PUS3: variants seen among roughly 807,000 people sequenced by gnomAD.
PUS3 encodes pseudouridine synthase 3.
In PUS3, 36 loss-of-function variants were observed where a neutral mutation model predicts 43.3. That is an observed-to-expected ratio of 0.83 (90% confidence interval 0.64 to 1.10). The LOEUF is 1.10. PUS3 is among the 50% of genes least tolerant of loss of function. The pLI, the probability that PUS3 is intolerant of heterozygous loss-of-function variation, is 0.00. For missense variants in PUS3, 544 were observed against 589.9 expected (o/e 0.92, Z 0.81); for synonymous variants, 183 against 199.2 (o/e 0.92, Z 0.69).
intron 3 of PUS3, 140 bp downstream of exon 3, chr11:125,895,084 T>C: frequency 1.9e-6 from 1 of 539,632 alleles, no homozygotes; most frequent in East Asian, 3.1e-5. Context: ...TCTCCCTCTG[T>C]CACCCATGCT....
intron 1 of PUS3, chr11:125,899,540 C>T: frequency 6.2e-7 from 1 of 1,614,124 alleles, no homozygotes; most frequent in South Asian, 1.1e-5. Context: ...TTCAGTAGCC[C>T]CAGGGAAGCG....
Position 125,896,180 on chromosome 11 carries a change from A to AT in PUS3, c.104dup (p.Asn35LysfsTer2), listed in dbSNP as rs1363072366. ...TTTCTCTAATGTTTGAGTCCTCCTT[A>AT]TTTTTGGCCTGTTCCTTTTTAAGTC... On this transcript the variant is annotated frameshift_variant, in exon 2 of 4. Coordinates refer to ENST00000227474, the MANE Select transcript of PUS3 (RefSeq NM_031307.4). LOFTEE classifies it high-confidence loss of function. 6.2e-7 allele frequency: 1 copy of AT among 1,613,792 alleles called. No homozygotes were observed. The highest frequency in any genetic ancestry group is 1.3e-5 in the African/African-American group (1 of 74,840).
chr11:125,893,802 T>C lies in PUS3; in HGVS notation c.1429A>G (p.Ile477Val). Residue 477 changes from isoleucine to valine, a missense_variant, in exon 4 of 4, where the codon ATT becomes GTT. Coordinates refer to ENST00000227474, the MANE Select transcript of PUS3 (RefSeq NM_031307.4). ...GTCTATGGTTAAATGATGCTTTTAA[T>C]TTCTGTGTCAACACAGACCCTCTTC... ...PTKRVCVDTE[I>V]KSII 1 of 1,610,002 alleles carries C rather than the reference T, an allele frequency of 6.2e-7. No individual in the cohort carries two copies. Among genetic ancestry groups the C allele is most frequent in the African/African-American group, 1.3e-5 (1 of 74,780 alleles).
At chr11:125,899,688 T>G in intron 1 of PUS3, 3 of 1,614,146 alleles carry the variant, frequency 1.9e-6, no homozygotes, top group Non-Finnish European at 2.5e-6. Context: ...GATGGGGAAG[T>G]ATTAGTAACA....
rs905048035 is a variant in PUS3 at position 125,902,618 on chromosome 11, G to T, written c.-47+552C>A. On this transcript the variant is annotated intron_variant, in intron 1 of 3. Transcript: ENST00000227474. ...CAGTCTTAAAAAAAAAAAAAAAAAAGTCCTAATCTCAGGAACCAGTGGGTT... is the reference window on the plus strand; with the variant it reads ...CAGTCTTAAAAAAAAAAAAAAAAAATTCCTAATCTCAGGAACCAGTGGGTT... 2.3e-3 allele frequency among the ~76,000 whole-genome samples: 141 copies of T among 62,660 alleles called. No homozygotes were observed. In the East Asian group the frequency reaches 0.035, roughly 15 times the overall value. The allele number at this position is 62,660 out of a possible 152,430, so 41.1% of individuals were successfully genotyped here.
intron 1 of PUS3, chr11:125,900,560 C>A: frequency 2.5e-6 from 1 of 405,026 alleles, no homozygotes; most frequent in Non-Finnish European, 4.8e-6. Context: ...ACTTTTTTTA[C>A]CTATCAATAT....
chr11:125,902,599 T>TAAAAAAA lies in PUS3; in HGVS notation c.-47+564_-47+570dup, dbSNP rs55792535. Among the ~76,000 whole-genome samples, 12 of 117,292 alleles carry TAAAAAAA rather than the reference T, an allele frequency of 1.0e-4. No homozygotes were observed. The East Asian group carries it at 1.5e-3, about 15-fold the overall frequency. The allele number at this position is 117,292 out of a possible 152,430, so 76.9% of individuals were successfully genotyped here. A position where few individuals can be genotyped will look rare whatever the true frequency, so the allele number is the denominator to read the frequency against. ...CTTCACTCAGCCTGGGCGACAGTCT[T>TAAAAAAA]AAAAAAAAAAAAAAAAAAGTCCTAA... On this transcript the variant is annotated intron_variant, in intron 1 of 3. Coordinates refer to ENST00000227474, the MANE Select transcript of PUS3 (RefSeq NM_031307.4).
intron 1 of PUS3, chr11:125,900,338 A>G: frequency 6.9e-7 from 1 of 1,458,044 alleles, no homozygotes; most frequent in Admixed American, 1.7e-5. Context: ...TTTTAAATAG[A>G]AACAACTGTC....
rs144299921 is a variant in PUS3, at chr11:125,900,005, G to A, written c.-47+3165C>T. 9.3e-6 allele frequency: 15 copies of A among 1,614,102 alleles called. No individual in the cohort carries two copies. Among genetic ancestry groups the A allele is most frequent in the Non-Finnish European group, 1.3e-5 (15 of 1,180,052 alleles). On this transcript the variant is annotated intron_variant, in intron 1 of 3. Coordinates refer to ENST00000227474, the MANE Select transcript of PUS3 (RefSeq NM_031307.4). ...CCGAAACCGGGGCAAGACAGACCGGGTAGCCCGGTATTTTGAGTACAAACG... is the reference window on the plus strand; with the variant it reads ...CCGAAACCGGGGCAAGACAGACCGGATAGCCCGGTATTTTGAGTACAAACG...
chr11:125,902,007 G>T (rs1055118115), intron 1 of PUS3, among the ~76,000 whole-genome samples: 5 of 152,110 alleles, frequency 3.3e-5, no homozygotes, highest in African/African-American at 1.2e-4. Context: ...GTGATTATTT[G>T]GATCTCAAAG....
At position 125,895,923 on chromosome 11, in the gene PUS3, A is replaced by G. The variant is rs1192910739; in HGVS notation, c.362T>C (p.Val121Ala). 19 of 1,613,058 alleles carry G rather than the reference A, an allele frequency of 1.2e-5. No individual in the cohort carries two copies. Among genetic ancestry groups the G allele is most frequent in the Non-Finnish European group, 1.5e-5 (18 of 1,179,950 alleles). ...GGCCCTTACCTGTCCAAAGGCACTA[A>G]CTCCTTTATCTGTTCTCCCACATCG... The part of the protein sequence containing the change: ...YHRCGRTDKG[V>A]SAFGQVISLD... Residue 121 changes from valine to alanine, a missense_variant, in exon 2 of 4, where the codon GTT (valine) becomes GCT (alanine). By Grantham distance (64) the Val-to-Ala change is moderately conservative. Transcript: ENST00000227474.
Position 125,893,993 on chromosome 11 carries a change from G to T in PUS3, c.1238C>A (p.Pro413His), listed in dbSNP as rs1216026676. ...VEGVKMRTYK[P>H]LMDRPKCQGL... ...TTGGCATTTAGGACGGTCCATGAGG[G>T]GCTTATATGTGCGCATCTTCACTCC... Residue 413 changes from proline (P) to histidine (H), a missense_variant, in exon 4 of 4, where the codon CCC (proline) becomes CAC (histidine). Pro to His is a moderately conservative substitution (Grantham distance 77). Coordinates refer to ENST00000227474, the MANE Select transcript of PUS3 (RefSeq NM_031307.4). 1.9e-6 allele frequency: 3 copies of T among 1,613,966 alleles called. No homozygotes were observed. The highest frequency in any genetic ancestry group is 2.5e-6 in the Non-Finnish European group (3 of 1,180,016).
intron 1 of PUS3, among the ~76,000 whole-genome samples, chr11:125,898,366 T>A (rs1001221569): frequency 2.0e-5 from 3 of 152,132 alleles, no homozygotes; most frequent in African/African-American, 7.2e-5. Flanking sequence ...ATAAACAGAT[T>A]TAGCTGGCAA....
In PUS3 at chr11:125,895,978, C is replaced by A. The variant is rs1466951534; in HGVS notation, c.307G>T (p.Val103Leu). 6.2e-7 allele frequency: 1 copy of A among 1,614,178 alleles called. No individual in the cohort carries two copies. The highest frequency in any genetic ancestry group is 1.1e-5 in the South Asian group (1 of 91,088). The change falls in exon 2 of 4, where the codon GTA becomes TTA. Residue 103 changes from valine to leucine, a missense_variant. Coordinates refer to ENST00000227474, the MANE Select transcript of PUS3 (RefSeq NM_031307.4). ...LFEALTKTRL[V>L]ESRQTSNYHR... ...TAGTTGGATGTCTGTCTGCTTTCTA[C>A]TAGTCGAGTCTTGGTTAGAGCTTCA...
intron 1 of PUS3, chr11:125,898,978 A>C (rs1452571074): frequency 1.7e-5 from 3 of 173,010 alleles, no homozygotes; most frequent in Non-Finnish European, 3.7e-5. Flanking sequence ...TGTAAAGCAC[A>C]TAGAACAATG....
intron 1 of PUS3, among the ~76,000 whole-genome samples, chr11:125,902,599 TAAAAAAAAAA>T (rs55792535): frequency 8.5e-6 from 1 of 117,334 alleles, no homozygotes. Context: ...GCGACAGTCT[TAAAAAAAAAA>T]AAAAAAAAGT....
rs574529426 is a variant in PUS3, at chr11:125,899,623, C to G, written c.-46-3293G>C. On this transcript the variant is annotated intron_variant, in intron 1 of 3. Transcript: ENST00000227474. The stretch of plus-strand genomic sequence containing the variant: ...TCCCTTCAGAAACAGTCTCTGAGGC[C>G]TCCCAAAGACTCCGAAAGCCAGTGA... 6.2e-7 allele frequency: 1 copy of G among 1,614,172 alleles called. No homozygotes were observed. Among genetic ancestry groups the G allele is most frequent in the East Asian group, 2.2e-5 (1 of 44,890 alleles).
At chr11:125,900,776 T>C (rs651484) in intron 1 of PUS3, 131,554 of 159,956 alleles carry the variant, frequency 0.82, 54,708 homozygotes, top group Admixed American at 0.9. Flanking sequence ...TTTGGGAGGC[T>C]GAGGCGGGCG....
Position 125,894,093 on chromosome 11 carries a change from G to T in PUS3, c.1138C>A (p.Pro380Thr). The T allele has an allele frequency of 6.2e-7, 1 of 1,614,060 alleles. No homozygotes were observed. The highest frequency in any genetic ancestry group is 1.6e-4 in the Middle Eastern group (1 of 6,062). ...DTVPVPCGIG[P>T]KMDGMTEWGN... ...CATTCTGTCATTCCATCCATCTTTG[G>T]TCCTATTCCACAGGGTACTGGAACA... The change falls in exon 4 of 4, where the codon CCA (proline) becomes ACA (threonine). Residue 380 changes from proline (P) to threonine (T), a missense_variant. Coordinates refer to ENST00000227474, the MANE Select transcript of PUS3 (RefSeq NM_031307.4).
Sources: allele counts gnomAD v4.1 joint callset (sites outside exome capture counted in the v4.1 genomes callset), GRCh38; gene constraint gnomAD v4.1.1; transcripts MANE v1.5; gene names NCBI Gene and HGNC (gene_info 2026-07-23, HGNC 2026-07-21).